SATB1: variants seen among roughly 807,000 people sequenced by gnomAD.
The protein encoded by SATB1 is SATB homeobox 1.
Under a neutral mutation model 86.9 loss-of-function variants are expected in SATB1, and 11 were observed. The ratio of observed to expected loss-of-function variants is 0.13; its 90% CI spans 0.08 to 0.21. SATB1 has a LOEUF of 0.21. Among genes scored for constraint, SATB1 ranks in the 10% least tolerant of loss-of-function variants. The pLI is 1.00. For synonymous variants in SATB1, 357 were observed against 357.2 expected (o/e 1.00, Z 0.01); for missense variants, 551 against 937.6 (o/e 0.59, Z 5.39).
chr3:18,433,676 C>T lies in SATB1; in HGVS notation c.-25+3113G>A, dbSNP rs1009043192. Among the ~76,000 whole-genome samples the T allele has an allele frequency of 7.9e-5, 12 of 151,980 alleles. 1 individual carries two copies. Among genetic ancestry groups the T allele is most frequent in the Non-Finnish European group, 1.5e-4 (10 of 67,916 alleles). The stretch of plus-strand genomic sequence containing the variant: ...AGGAATGCTAATAAAGTGAAACCAA[C>T]TTACAAACATATATTTATTATGTGT... On this transcript the variant is annotated intron_variant, in intron 2 of 3. Transcript: ENST00000414509.
At chr3:18,381,463 G>A (rs1177016055) in intron 8 of SATB1, among the ~76,000 whole-genome samples, 3 of 152,098 alleles carry the variant, frequency 2.0e-5, no homozygotes, top group Non-Finnish European at 4.4e-5. Flanking sequence ...CTAACAGCCC[G>A]GAGGAGGTAT....
chr3:18,417,157 T>C (rs1345195168), intron 2 of SATB1, 79 bp from the exon 3 acceptor site: 36 of 1,411,066 alleles, frequency 2.6e-5, no homozygotes, highest in Non-Finnish European at 3.3e-5. Flanking sequence ...GGAGGAAATA[T>C]TAGCCATGAA....
At chr3:18,358,372 G>A (rs7621961) in intron 9 of SATB1, among the ~76,000 whole-genome samples, 11,948 of 151,852 alleles carry the variant, frequency 0.079, 736 homozygotes, top group African/African-American at 0.17. Flanking sequence ...CATTATGAGA[G>A]GCCCCCACCA....
chr3:18,411,510 A>C (rs919464372), intron 5 of SATB1, among the ~76,000 whole-genome samples: 1 of 152,108 alleles, frequency 6.6e-6, no homozygotes, highest in East Asian at 1.9e-4. Context: ...CAGGGAAAAT[A>C]AGCATCAAAA....
chr3:18,400,923 C>T (rs1044718210), intron 5 of SATB1, among the ~76,000 whole-genome samples: 1 of 152,178 alleles, frequency 6.6e-6, no homozygotes, highest in African/African-American at 2.4e-5. Context: ...CCTTCTCATA[C>T]TCCAATTTGG....
At chr3:18,351,401 G>C in intron 10 of SATB1, 1 of 1,547,458 alleles carries the variant, frequency 6.5e-7, no homozygotes, top group Non-Finnish European at 8.7e-7. Context: ...GGTGGTGGGA[G>C]AGGGGCTCTA....
intron 8 of SATB1, among the ~76,000 whole-genome samples, chr3:18,384,327 T>C (rs995191774): frequency 2.0e-5 from 3 of 152,220 alleles, no homozygotes; most frequent in South Asian, 4.1e-4. Context: ...GGTATAACTT[T>C]AGCTCAAGAA....
At position 18,352,889 on chromosome 3, in the gene SATB1, TG is replaced by T. The variant is rs1201633263; in HGVS notation, c.1576-695del. ...TTTCTTGGGCTAAGAGAGAAGGAAA[TG>T]TCCAATGACTGCCAAAATCTGCACC... On this transcript the variant is annotated intron_variant, in intron 9 of 10. Transcript: ENST00000338745. The surrounding 1 kb of genome is among the most constrained non-coding windows in gnomAD (Gnocchi z 4.1). 6.6e-6 allele frequency: 1 copy of T among 152,148 alleles called. No individual in the cohort carries two copies. The highest frequency in any genetic ancestry group is 1.5e-5 in the Non-Finnish European group (1 of 68,134). The allele number at this position is 152,148 out of a possible 1,614,324, so 9.4% of individuals were successfully genotyped here.
Position 18,394,402 on chromosome 3 carries a change from T to C in SATB1, c.1206+60A>G. The C allele has an allele frequency of 7.3e-7, 1 of 1,375,604 alleles. No homozygotes were observed. The highest frequency in any genetic ancestry group is 1.0e-6 in the Non-Finnish European group (1 of 970,574). 85.2% of individuals were successfully genotyped at this position (1,375,604 alleles called of 1,614,324 possible). ...TAAAAGAATAAACTTTAGTTATAGA[T>C]GGGACTAAAGAAAGAGAAAATAGGA... On this transcript the variant is annotated intron_variant, in intron 7 of 10. Coordinates refer to ENST00000338745, the MANE Select transcript of SATB1 (RefSeq NM_002971.6). This position sits in a 1 kb window ranked among gnomAD's most constrained non-coding sequence, Gnocchi z 5.9.
intron 7 of SATB1, among the ~76,000 whole-genome samples, chr3:18,391,190 G>T (rs1696646446): frequency 6.6e-6 from 1 of 152,024 alleles, no homozygotes; most frequent in South Asian, 2.1e-4. Context: ...AAGATGATAA[G>T]AAAATTCTCA....
chr3:18,444,609 A>G lies in SATB1; in HGVS notation c.-25+909T>C, dbSNP rs578141175. On this transcript the variant is annotated intron_variant, in intron 1 of 3. Transcript: ENST00000415069. The surrounding 1 kb of genome is among the most constrained non-coding windows in gnomAD (Gnocchi z 5.1). ...GGAGGCAAAAGAGCAGAACTCACTCAGGCATGGACGTTGGGGGCGGCGGTG... is the reference window on the plus strand; with the variant it reads ...GGAGGCAAAAGAGCAGAACTCACTCGGGCATGGACGTTGGGGGCGGCGGTG... 3.9e-5 allele frequency: 38 copies of G among 985,392 alleles called. No individual in the cohort carries two copies. In the African/African-American group the frequency reaches 6.6e-4, roughly 17 times the overall value. 61.0% of individuals were successfully genotyped at this position (985,392 alleles called of 1,614,324 possible).
chr3:18,377,361 G>T (rs1172976347), intron 9 of SATB1, among the ~76,000 whole-genome samples: 1 of 152,150 alleles, frequency 6.6e-6, no homozygotes, highest in African/African-American at 2.4e-5. Flanking sequence ...AAAGAGTTTA[G>T]TGTTCTTCTG....
intron 9 of SATB1, among the ~76,000 whole-genome samples, chr3:18,371,199 G>C (rs1260467651): frequency 6.6e-6 from 1 of 152,094 alleles, no homozygotes; most frequent in African/African-American, 2.4e-5. Context: ...TGGAATAGGT[G>C]AATCACAAAA....
At chr3:18,400,401 G>C (rs77014394) in intron 5 of SATB1, among the ~76,000 whole-genome samples, 1 of 152,152 alleles carries the variant, frequency 6.6e-6, no homozygotes, top group African/African-American at 2.4e-5. Context: ...TCACACACTG[G>C]TAGTATGACC....
chr3:18,351,439 C>T (rs1419264007), intron 10 of SATB1: 2 of 1,472,772 alleles, frequency 1.4e-6, no homozygotes, highest in Non-Finnish European at 9.2e-7. Flanking sequence ...GATGACTCAC[C>T]CCTAACCTAC....
At chr3:18,389,976 C>T (rs940827440) in intron 7 of SATB1, among the ~76,000 whole-genome samples, 1 of 152,048 alleles carries the variant, frequency 6.6e-6, no homozygotes, top group Non-Finnish European at 1.5e-5. Flanking sequence ...AGTCAGAGTT[C>T]TAATTTTTTC....
chr3:18,384,473 T>TTTA (rs1156699016), intron 8 of SATB1, among the ~76,000 whole-genome samples: 1 of 149,286 alleles, frequency 6.7e-6, no homozygotes, highest in East Asian at 1.9e-4. Flanking sequence ...TTTTTTTTTT[T>TTTA]AAAGCAGTTC....
At chr3:18,410,391 C>G (rs1359997) in intron 5 of SATB1, among the ~76,000 whole-genome samples, 91,067 of 151,778 alleles carry the variant, frequency 0.6, 27,889 homozygotes, top group East Asian at 0.92. Flanking sequence ...CCCGGGCTCT[C>G]GGTATGAAGT....
chr3:18,378,293 A>C lies in SATB1; in HGVS notation c.1452T>G (p.Asn484Lys). 1 of 1,610,894 alleles carries C rather than the reference A, an allele frequency of 6.2e-7. No homozygotes were observed. The highest frequency in any genetic ancestry group is 8.5e-7 in the Non-Finnish European group (1 of 1,178,904). The change falls in exon 9 of 11, where the codon AAT becomes AAG. Residue 484 changes from asparagine to lysine, a missense_variant. Physicochemically the swap from Asn to Lys is moderately conservative, Grantham distance 94 (BLOSUM62 0). Transcript: ENST00000338745. ...TCATGGTATTGTTCTCTGGTTTCCC[A>C]TTCCTTTCAGTGGCAATAGTAGCTG... ...VKTATIATERNGKPENNTMNI... is the reference protein window; with the variant it reads ...VKTATIATERKGKPENNTMNI...
Sources: allele counts gnomAD v4.1 joint callset (sites outside exome capture counted in the v4.1 genomes callset), GRCh38; gene constraint gnomAD v4.1.1; non-coding constraint Gnocchi (gnomAD v3.1); transcripts MANE v1.5; gene names NCBI Gene and HGNC (gene_info 2026-07-23, HGNC 2026-07-21).